UGT1A9: variants seen among roughly 807,000 people sequenced by gnomAD.
The protein encoded by UGT1A9 is UDP glucuronosyltransferase family 1 member A9, also known as UDP-glucuronosyltransferase 1A9.
UGT1A9 carries 35 observed loss-of-function variants against 45.0 expected under a neutral mutation model. The ratio of observed to expected loss-of-function variants is 0.78; its 90% CI spans 0.59 to 1.03. UGT1A9 has a LOEUF of 1.03. Among genes scored for constraint, UGT1A9 ranks in the 50% least tolerant of loss-of-function variants. UGT1A9 has a pLI of 0.00. For missense variants in UGT1A9, 687 were observed against 666.6 expected (o/e 1.03, Z -0.34); for synonymous variants, 278 against 250.6 (o/e 1.11, Z -1.03).
At chr2:233,740,928 T>C (rs1315246376) in intron 1 of UGT1A9, 1 of 34,774 alleles carries the variant, frequency 2.9e-5, no homozygotes, top group Non-Finnish European at 4.7e-5. Flanking sequence ...CCACAAAAAG[T>C]TTTTTTTTTA....
chr2:233,747,635 GA>G (rs1268887921), intron 1 of UGT1A9: 1 of 1,581,650 alleles, frequency 6.3e-7, no homozygotes, highest in African/African-American at 1.4e-5. Flanking sequence ...TCAGGCACCT[GA>G]ATGCTACTTC....
rs987232905 is a variant in UGT1A9, at chr2:233,703,559, T to G, written c.855+30770T>G. Among the ~76,000 whole-genome samples the G allele has an allele frequency of 2.0e-5, 3 of 152,228 alleles. No individual in the cohort carries two copies. In the East Asian group the frequency reaches 5.8e-4, roughly 29 times the overall value. ...ATTTCCCACTTTATTGCTAGTAATA[T>G]TTTTTGTTTTAAGGTCTATATTATC... On this transcript the variant is annotated intron_variant, in intron 1 of 4. Transcript: ENST00000354728.
At chr2:233,680,233 G>A (rs2125517413) in intron 1 of UGT1A9, among the ~76,000 whole-genome samples, 1 of 152,136 alleles carries the variant, frequency 6.6e-6, no homozygotes, top group East Asian at 1.9e-4. Flanking sequence ...GGTATTCAAG[G>A]TTTAAAAAAT....
Position 233,672,772 on chromosome 2 carries a change from G to A in UGT1A9, c.838G>A (p.Gly280Arg), listed in dbSNP as rs369594976. 47 of 1,613,404 alleles carry A rather than the reference G, an allele frequency of 2.9e-5. No homozygotes were observed. The highest frequency in any genetic ancestry group is 3.9e-5 in the Non-Finnish European group (46 of 1,179,610). ...IFIGGINCHQ[G>R]KPLPMEFEAY... Reference sequence around the variant, plus strand: ...CATTGGTGGTATCAACTGCCATCAGGGAAAGCCGTTGCCTATGGTAAGTTA... The same window carrying A: ...CATTGGTGGTATCAACTGCCATCAGAGAAAGCCGTTGCCTATGGTAAGTTA... Residue 280 changes from glycine (G) to arginine (R), a missense_variant, in exon 1 of 5, where the codon GGA (glycine) becomes AGA (arginine). Physicochemically the swap from Gly to Arg is moderately radical, Grantham distance 125. Transcript: ENST00000354728.
chr2:233,687,715 C>G (rs2074859445), intron 1 of UGT1A9, among the ~76,000 whole-genome samples: 1 of 151,616 alleles, frequency 6.6e-6, no homozygotes, highest in Admixed American at 6.6e-5. Context: ...CCAGCCTGGA[C>G]AACATAGGGA....
intron 1 of UGT1A9, among the ~76,000 whole-genome samples, chr2:233,675,188 G>A (rs917244448): frequency 6.6e-6 from 1 of 152,142 alleles, no homozygotes; most frequent in East Asian, 1.9e-4. Flanking sequence ...AACAAGGATG[G>A]CAGATGGCCC....
intron 1 of UGT1A9, chr2:233,743,938 A>G (rs754327674): frequency 7.4e-7 from 1 of 1,356,050 alleles, no homozygotes; most frequent in African/African-American, 1.5e-5. Context: ...AGAACGGCCC[A>G]CCAGGCACTG....
intron 1 of UGT1A9, among the ~76,000 whole-genome samples, chr2:233,734,828 G>A (rs1303318660): frequency 6.6e-6 from 1 of 152,222 alleles, no homozygotes; most frequent in African/African-American, 2.4e-5. Flanking sequence ...GCGATTTTGA[G>A]TGAGTTTCTT....
intron 1 of UGT1A9, chr2:233,760,705 C>T: frequency 1.2e-6 from 2 of 1,614,220 alleles, no homozygotes; most frequent in Non-Finnish European, 1.7e-6. Flanking sequence ...CATGGCCTCC[C>T]TGGCAGAAAG....
intron 1 of UGT1A9, among the ~76,000 whole-genome samples, chr2:233,698,411 G>A (rs1011894202): frequency 6.6e-6 from 1 of 152,042 alleles, no homozygotes; most frequent in African/African-American, 2.4e-5. Context: ...TGACTTCATC[G>A]CAATAAATTA....
intron 1 of UGT1A9, among the ~76,000 whole-genome samples, chr2:233,698,410 C>G (rs1360939662): frequency 6.6e-6 from 1 of 151,926 alleles, no homozygotes; most frequent in Admixed American, 6.6e-5. Flanking sequence ...GTGACTTCAT[C>G]GCAATAAATT....
At chr2:233,737,571 C>T (rs1014151357) in intron 1 of UGT1A9, among the ~76,000 whole-genome samples, 3 of 152,196 alleles carry the variant, frequency 2.0e-5, no homozygotes, top group African/African-American at 7.2e-5. Flanking sequence ...CACCCACTAT[C>T]CAACCAGTCC....
intron 1 of UGT1A9, among the ~76,000 whole-genome samples, chr2:233,746,366 TC>T (rs2125877621): frequency 6.6e-6 from 1 of 151,852 alleles, no homozygotes; most frequent in East Asian, 1.9e-4. Context: ...TAGTAACAAG[TC>T]CCTTCATTCT....
In UGT1A9 at chr2:233,682,886, C is replaced by A; in HGVS notation, c.855+10097C>A. On this transcript the variant is annotated intron_variant, in intron 1 of 4. Transcript: ENST00000354728. ...TCATAATTTATCATTTACATTTGTC[C>A]CATTTGGAATTTCTTTCTGGTTTAA... is the stretch of plus-strand genomic sequence containing the variant. 3 of 1,510,084 alleles carry A rather than the reference C, an allele frequency of 2.0e-6. 1 individual carries two copies. The highest frequency in any genetic ancestry group is 1.8e-4 in the Middle Eastern group (1 of 5,610). 93.5% of individuals were successfully genotyped at this position (1,510,084 alleles called of 1,614,324 possible). A position where few individuals can be genotyped will look rare whatever the true frequency, so the allele number is the denominator to read the frequency against.
At chr2:233,759,870 C>G (rs1487937360) in intron 1 of UGT1A9, among the ~76,000 whole-genome samples, 1 of 152,172 alleles carries the variant, frequency 6.6e-6, no homozygotes, top group African/African-American at 2.4e-5. Context: ...AGCGGGGGTA[C>G]AGTTGTGTTC....
At chr2:233,735,445 G>C (rs1440470115) in intron 1 of UGT1A9, among the ~76,000 whole-genome samples, 1 of 152,036 alleles carries the variant, frequency 6.6e-6, no homozygotes, top group Non-Finnish European at 1.5e-5. Flanking sequence ...GCATACCGAT[G>C]GGCCTTGACT....
chr2:233,730,318 A>G (rs972603934), intron 1 of UGT1A9, among the ~76,000 whole-genome samples: 3 of 152,210 alleles, frequency 2.0e-5, no homozygotes, highest in African/African-American at 7.2e-5. Flanking sequence ...TGGCAGGAAC[A>G]GGGACACTAC....
At chr2:233,757,130 G>A (rs368401609) in intron 1 of UGT1A9, among the ~76,000 whole-genome samples, 1 of 151,410 alleles carries the variant, frequency 6.6e-6, no homozygotes, top group African/African-American at 2.4e-5. Context: ...GAGGAGGAAT[G>A]AGCTTGGACA....
chr2:233,764,151 G>A (rs1391990112), intron 1 of UGT1A9, among the ~76,000 whole-genome samples: 1 of 152,184 alleles, frequency 6.6e-6, no homozygotes. Flanking sequence ...CATTTTGGCT[G>A]GTGAAGTCTC....
Sources: gnomAD v4.1 joint callset for allele counts (sites outside exome capture counted in the v4.1 genomes callset) on GRCh38, gnomAD v4.1.1 for gene constraint, MANE v1.5 for transcripts, NCBI Gene and HGNC (gene_info 2026-07-23, HGNC 2026-07-21) for gene names.